SYCP2: variants seen among roughly 807,000 people sequenced by gnomAD.
SYCP2 encodes synaptonemal complex lateral element protein.
SYCP2 carries 55 observed loss-of-function variants against 211.3 expected under a neutral mutation model. The ratio of observed to expected loss-of-function variants is 0.26; its 90% confidence interval spans 0.21 to 0.33. The LOEUF (loss-of-function observed/expected upper bound fraction) is 0.33, where lower values mean the gene tolerates loss of function less well. Among genes scored for constraint, SYCP2 ranks in the 10% least tolerant of loss-of-function variants. The pLI, the probability that SYCP2 is intolerant of heterozygous loss-of-function variation, is 1.00. For synonymous variants in SYCP2, 570 were observed against 555.2 expected (o/e 1.03, Z -0.37); for missense variants, 1,731 against 1,752.0 (o/e 0.99, Z 0.21).
intron 18 of SYCP2, among the ~76,000 whole-genome samples, chr20:59,897,793 C>T (rs572222762): frequency 9.9e-5 from 15 of 151,812 alleles, no homozygotes; most frequent in Non-Finnish European, 1.8e-4. Context: ...ACGAAGAAAT[C>T]AAAAAATGGG....
chr20:59,921,156 C>CA (rs1339998105), intron 4 of SYCP2, among the ~76,000 whole-genome samples, 154 bp downstream of exon 4: 1 of 151,454 alleles, frequency 6.6e-6, no homozygotes, highest in Non-Finnish European at 1.5e-5. Flanking sequence ...AACAAACAAA[C>CA]AATAATAAGC....
chr20:59,906,637 CAAA>C (rs2060218784), intron 15 of SYCP2, among the ~76,000 whole-genome samples: 1 of 152,026 alleles, frequency 6.6e-6, no homozygotes, highest in East Asian at 1.9e-4. Flanking sequence ...TAAGAGTCGA[CAAA>C]AATTTTTTGG....
intron 44 of SYCP2, 65 bp downstream of exon 44, chr20:59,865,323 C>T (rs563154673): frequency 7.5e-7 from 1 of 1,327,110 alleles, no homozygotes; most frequent in Non-Finnish European, 1.1e-6. Context: ...AGCACACACA[C>T]AAAAAAATCA....
intron 18 of SYCP2, among the ~76,000 whole-genome samples, chr20:59,898,240 A>C (rs1028118814): frequency 2.6e-5 from 4 of 152,258 alleles, no homozygotes; most frequent in African/African-American, 9.6e-5. Flanking sequence ...AAGGATTATA[A>C]ATCATTCTAA....
At chr20:59,898,709 G>T (rs1432286705) in intron 18 of SYCP2, among the ~76,000 whole-genome samples, 5 of 151,738 alleles carry the variant, frequency 3.3e-5, no homozygotes, top group African/African-American at 1.2e-4. Context: ...TTAAATAAAA[G>T]ACTTCCTACA....
At chr20:59,921,019 T>G (rs553388278) in intron 4 of SYCP2, among the ~76,000 whole-genome samples, 17 of 151,718 alleles carry the variant, frequency 1.1e-4, no homozygotes, top group Admixed American at 1.1e-3. Flanking sequence ...ATGAACTTGT[T>G]TAAACTTCAA....
rs533599048 is a variant in SYCP2, at chr20:59,884,310, G to GA, written c.2529+1617dup. 1.5e-4 allele frequency among the ~76,000 whole-genome samples: 23 copies of GA among 151,600 alleles called. No homozygotes were observed. In the East Asian group the frequency reaches 4.3e-3, roughly 28 times the overall value. ...GCTATCAATTAACTAGTATTGTTAG[G>GA]AAAAAAATATGTGTTAAATTATTTA... On this transcript the variant is annotated intron_variant, in intron 26 of 44. Transcript: ENST00000357552.
intron 20 of SYCP2, among the ~76,000 whole-genome samples, chr20:59,894,512 C>T (rs1158595859): frequency 1.3e-5 from 2 of 151,902 alleles, no homozygotes; most frequent in African/African-American, 4.8e-5. Flanking sequence ...AAAATAGAAT[C>T]CATCATCTGT....
At chr20:59,911,719 TAAAG>T (rs2060332008) in intron 14 of SYCP2, 27 bp downstream of exon 14, 1 of 1,127,424 alleles carries the variant, frequency 8.9e-7, no homozygotes, top group African/African-American at 1.6e-5. Context: ...TGCATATACA[TAAAG>T]AATAATACCA....
intron 7 of SYCP2, among the ~76,000 whole-genome samples, chr20:59,917,148 TAAGTA>T (rs2060458538): frequency 6.6e-6 from 1 of 152,102 alleles, no homozygotes; most frequent in Non-Finnish European, 1.5e-5. Flanking sequence ...TTTTTTAGAT[TAAGTA>T]AATATAGTTC....
intron 4 of SYCP2, among the ~76,000 whole-genome samples, chr20:59,920,774 C>A (rs1343417675): frequency 1.3e-5 from 2 of 151,486 alleles, no homozygotes; most frequent in Non-Finnish European, 3.0e-5. Flanking sequence ...CTAAAAAGCT[C>A]CATGTATTTA....
intron 14 of SYCP2, among the ~76,000 whole-genome samples, chr20:59,908,416 C>A (rs1173593827): frequency 2.0e-5 from 3 of 152,206 alleles, no homozygotes; most frequent in Non-Finnish European, 2.9e-5. Flanking sequence ...ACATCACCAC[C>A]TTTTTCCCTT....
At position 59,863,620 on chromosome 20, in the gene SYCP2, CAA is replaced by C. The variant is rs1247384653; in HGVS notation, c.*689_*690del. On this transcript the variant is annotated 3_prime_UTR_variant, in exon 45 of 45. Transcript: ENST00000357552. ...GCATTTATTTCAACTTCATTAAAAG[CAA>C]ATCAAATGTATACTCATTTTTATAA... 1.3e-5 allele frequency: 2 copies of C among 151,826 alleles called. No individual in the cohort carries two copies. The highest frequency in any genetic ancestry group is 3.9e-4 in the East Asian group (2 of 5,194). The allele number at this position is 151,826 out of a possible 1,614,324, so 9.4% of individuals were successfully genotyped here. A position where few individuals can be genotyped will look rare whatever the true frequency, so the allele number is the denominator to read the frequency against.
chr20:59,878,078 C>T (rs1162533556), intron 31 of SYCP2, 33 bp from the exon 32 acceptor site: 14 of 1,482,376 alleles, frequency 9.4e-6, no homozygotes, highest in Admixed American at 1.8e-5. Flanking sequence ...TAAATTTTCA[C>T]AGTAAATAAG....
At chr20:59,919,733 T>G in intron 5 of SYCP2, 136 bp from the exon 6 acceptor site, 1 of 508,084 alleles carries the variant, frequency 2.0e-6, no homozygotes. Flanking sequence ...CAAAATAAAT[T>G]CATGTTTTTA....
chr20:59,880,063 G>A (rs561440047), intron 31 of SYCP2, among the ~76,000 whole-genome samples: 132 of 150,824 alleles, frequency 8.8e-4, no homozygotes, highest in Admixed American at 1.3e-3. Flanking sequence ...GACAAGTGAC[G>A]AAAATCATGA....
At chr20:59,886,369 T>C (rs1271350228) in intron 25 of SYCP2, among the ~76,000 whole-genome samples, 1 of 152,116 alleles carries the variant, frequency 6.6e-6, no homozygotes, top group East Asian at 1.9e-4. Flanking sequence ...GGTTAAATTC[T>C]GTATTTCATT....
At position 59,922,506 on chromosome 20, in the gene SYCP2, G is replaced by C. The variant is rs73917271; in HGVS notation, c.-46-47C>G. On this transcript the variant is annotated intron_variant, in intron 2 of 44. Coordinates refer to ENST00000357552, the MANE Select transcript of SYCP2 (RefSeq NM_014258.4). ...TTCTGTATCTCACAATCTGTTTCAT[G>C]TGTTTATCAGTTTAAATATCTTACA... 6.1e-4 allele frequency: 590 copies of C among 973,400 alleles called. 1 individual carries two copies. In the African/African-American group the frequency reaches 8.7e-3, roughly 14 times the overall value. 60.3% of individuals were successfully genotyped at this position (973,400 alleles called of 1,614,324 possible).
intron 35 of SYCP2, among the ~76,000 whole-genome samples, chr20:59,872,401 G>A (rs2059469737): frequency 6.6e-6 from 1 of 151,960 alleles, no homozygotes; most frequent in African/African-American, 2.4e-5. Context: ...GATTGACTGT[G>A]GAGATATCGT....
Sources: gnomAD v4.1 joint callset for allele counts (sites outside exome capture counted in the v4.1 genomes callset) on GRCh38, gnomAD v4.1.1 for gene constraint, MANE v1.5 for transcripts, NCBI Gene and HGNC (gene_info 2026-07-23, HGNC 2026-07-21) for gene names.